Variants in NIPAL4 observed in about 807,000 individuals in gnomAD.
NIPAL4 encodes magnesium transporter NIPA4.
A neutral mutation model predicts 31.6 loss-of-function variants in NIPAL4; 21 were observed. That is an observed-to-expected ratio of 0.67 (90% CI 0.47 to 0.96). NIPAL4 has a LOEUF of 0.96. Ranked by LOEUF, NIPAL4 falls within the 40% of genes least tolerant of loss-of-function variation. The probability of loss-of-function intolerance (pLI) is 0.00; values close to 1 mark genes in which losing one functional copy is unlikely to be tolerated. For synonymous variants in NIPAL4, 175 were observed against 211.1 expected, an observed-to-expected ratio of 0.83 and a Z score of 1.48; for missense variants, 438 against 508.0, an observed-to-expected ratio of 0.86 and a Z score of 1.32.
intron 2 of NIPAL4, among the ~76,000 whole-genome samples, chr5:157,466,159 G>A (rs1754266768): frequency 6.6e-6 from 1 of 152,164 alleles, no homozygotes; most frequent in Admixed American, 6.5e-5. Flanking sequence ...CGTAGGGGAA[G>A]CAACATTCAC....
Position 157,471,775 on chromosome 5 carries a change from G to A in NIPAL4, c.544G>A (p.Val182Ile). ...MVIHAPEEEK[V>I]TTIMEMASKM... The stretch of plus-strand genomic sequence containing the variant: ...GATACATGCTCCTGAGGAAGAGAAG[G>A]TCACTACCATCATGGAGATGGCTTC... Residue 182 changes from valine to isoleucine, a missense_variant, in exon 5 of 6, where the codon GTC (valine) becomes ATC (isoleucine). Transcript: ENST00000311946. 1 of 1,600,132 alleles carries A rather than the reference G, an allele frequency of 6.2e-7. No homozygotes were observed. The highest frequency in any genetic ancestry group is 1.1e-5 in the South Asian group (1 of 88,358).
At chr5:157,462,288 A>AT (rs1184145793) in intron 1 of NIPAL4, among the ~76,000 whole-genome samples, 1 of 152,070 alleles carries the variant, frequency 6.6e-6, no homozygotes, top group African/African-American at 2.4e-5. Context: ...AGCAGATCTG[A>AT]TTTTTCACCG....
intron 1 of NIPAL4, 39 bp from the exon 2 acceptor site, chr5:157,463,055 T>A: frequency 6.2e-7 from 1 of 1,610,922 alleles, no homozygotes; most frequent in East Asian, 2.2e-5. Flanking sequence ...TGTGCAATTG[T>A]CCCCAGTGTG....
rs1754162751 is a variant in NIPAL4 at position 157,463,350 on chromosome 5, G to C, written c.277+17G>C. The C allele has an allele frequency of 1.9e-6, 3 of 1,594,626 alleles. No homozygotes were observed. The highest frequency in any genetic ancestry group is 2.6e-6 in the Non-Finnish European group (3 of 1,170,134). ...CTCGAGCTGGTAGGTTCCTGGGCCA[G>C]GAGAGGATAGGGCCCAGGGCAGCTG... is the stretch of plus-strand genomic sequence containing the variant. On this transcript the variant is annotated intron_variant, in intron 2 of 5. Transcript: ENST00000311946.
In NIPAL4 at chr5:157,472,983, G is replaced by A. The variant is rs371793304; in HGVS notation, c.*23G>A. The A allele has an allele frequency of 7.5e-5, 113 of 1,499,204 alleles. No homozygotes were observed. Among genetic ancestry groups the A allele is most frequent in the Middle Eastern group, 1.8e-4 (1 of 5,580 alleles). The allele number at this position is 1,499,204 out of a possible 1,614,324, so 92.9% of individuals were successfully genotyped here. On this transcript the variant is annotated 3_prime_UTR_variant, in exon 6 of 6. Coordinates refer to ENST00000311946, the MANE Select transcript of NIPAL4 (RefSeq NM_001099287.2). Reference sequence around the variant, plus strand: ...TGAAGCTTGGAATATGTGAGTGAGAGGATGAGTCCGATGGTACAGCCTGCC... The same window carrying A: ...TGAAGCTTGGAATATGTGAGTGAGAAGATGAGTCCGATGGTACAGCCTGCC...
chr5:157,467,687 G>C (rs1754314961), intron 3 of NIPAL4: 1 of 158,552 alleles, frequency 6.3e-6, no homozygotes, highest in South Asian at 1.8e-4. Flanking sequence ...TGCTTTTAAA[G>C]GGGAGACCCA....
intron 4 of NIPAL4, among the ~76,000 whole-genome samples, chr5:157,469,079 C>T (rs1036970359): frequency 1.3e-5 from 2 of 152,142 alleles, no homozygotes; most frequent in East Asian, 3.9e-4. Context: ...GGGTGAACGG[C>T]GCATGTCACT....
intron 4 of NIPAL4, among the ~76,000 whole-genome samples, chr5:157,470,585 C>T (rs1681792544): frequency 6.6e-6 from 1 of 152,164 alleles, no homozygotes; most frequent in Non-Finnish European, 1.5e-5. Flanking sequence ...CGGGAAGTTC[C>T]TAGCACCATA....
chr5:157,473,233 G>A lies in NIPAL4; in HGVS notation c.*273G>A, dbSNP rs952640152. 2.4e-5 allele frequency: 9 copies of A among 368,296 alleles called. No individual in the cohort carries two copies. The South Asian group carries it at 2.5e-4, about 10-fold the overall frequency. 22.8% of individuals were successfully genotyped at this position (368,296 alleles called of 1,614,324 possible). On this transcript the variant is annotated 3_prime_UTR_variant, in exon 6 of 6. Transcript: ENST00000311946. ...GACCTTCCTTCTCATTCATTCTTTC[G>A]GTGCCATCTCTATGCCGTTGGGAAG...
chr5:157,471,939 C>A, intron 5 of NIPAL4, 122 bp downstream of exon 5: 1 of 736,902 alleles, frequency 1.4e-6, no homozygotes, highest in Non-Finnish European at 2.3e-6. Flanking sequence ...AGAAGGCAAG[C>A]TAAAGAAGAA....
Position 157,463,328 on chromosome 5 carries a change from G to C in NIPAL4, c.272G>C (p.Arg91Pro). The C allele has an allele frequency of 6.2e-7, 1 of 1,607,696 alleles. No individual in the cohort carries two copies. Among genetic ancestry groups the C allele is most frequent in the East Asian group, 2.2e-5 (1 of 44,834 alleles). Reference sequence around the variant, plus strand: ...CGACTCGTGGCCACGGGAGCCACTCGAGCTGGTAGGTTCCTGGGCCAGGAG... The same window carrying C: ...CGACTCGTGGCCACGGGAGCCACTCCAGCTGGTAGGTTCCTGGGCCAGGAG... ...LLRLVATGATRAVDGGFGYLK... is the reference protein window; with the variant it reads ...LLRLVATGATPAVDGGFGYLK... Residue 91 changes from arginine to proline, a missense_variant, in exon 2 of 6, where the codon CGA becomes CCA. Arg to Pro is a moderately radical substitution (Grantham distance 103). Transcript: ENST00000311946.
At chr5:157,462,014 G>A (rs1430344264) in intron 1 of NIPAL4, among the ~76,000 whole-genome samples, 1 of 152,202 alleles carries the variant, frequency 6.6e-6, no homozygotes, top group African/African-American at 2.4e-5. Context: ...GCACTGCCTG[G>A]GAGTTCTAGG....
At chr5:157,469,664 A>AGT (rs1307087068) in intron 4 of NIPAL4, among the ~76,000 whole-genome samples, 5 of 152,130 alleles carry the variant, frequency 3.3e-5, no homozygotes, top group Non-Finnish European at 7.4e-5. Flanking sequence ...TGAGCTACAA[A>AGT]CACAGAGCCA....
intron 4 of NIPAL4, among the ~76,000 whole-genome samples, chr5:157,470,285 A>C (rs1754390587): frequency 6.6e-6 from 1 of 152,004 alleles, no homozygotes; most frequent in African/African-American, 2.4e-5. Context: ...CCTCGAGGAT[A>C]TGAGGGGAAT....
Position 157,472,546 on chromosome 5 carries a change from G to C in NIPAL4, c.801G>C (p.Leu267=). The stretch of plus-strand genomic sequence containing the variant: ...TCCGGCACCCGCTCCCCTACATCCT[G>C]TCCCTCATCCTGGCACTGTCCCTCA... ...PVVRHPLPYI[L]SLILALSLST... The change falls in exon 6 of 6, where the codon CTG becomes CTC. Residue 267 remains leucine, a synonymous_variant. Coordinates refer to ENST00000311946, the MANE Select transcript of NIPAL4 (RefSeq NM_001099287.2). The C allele has an allele frequency of 6.2e-7, 1 of 1,613,852 alleles. No homozygotes were observed. Among genetic ancestry groups the C allele is most frequent in the Non-Finnish European group, 8.5e-7 (1 of 1,179,860 alleles).
At position 157,474,069 on chromosome 5, in the gene NIPAL4, G is replaced by A. The variant is rs905182957; in HGVS notation, c.*1109G>A. ...TCTGGGTTGCAGCCTTAAAGGCTTG[G>A]ACAGCTGTGAATCTCAATGGCCAAC... On this transcript the variant is annotated 3_prime_UTR_variant, in exon 6 of 6. Coordinates refer to ENST00000311946, the MANE Select transcript of NIPAL4 (RefSeq NM_001099287.2). 1 of 152,252 alleles carries A rather than the reference G, an allele frequency of 6.6e-6. No individual in the cohort carries two copies. The highest frequency in any genetic ancestry group is 1.9e-4 in the East Asian group (1 of 5,188). The allele number at this position is 152,252 out of a possible 1,614,324, so 9.4% of individuals were successfully genotyped here.
In NIPAL4 at chr5:157,460,367, G is replaced by A. The variant is rs1180245174; in HGVS notation, c.37+10G>A. On this transcript the variant is annotated intron_variant, in intron 1 of 5. Coordinates refer to ENST00000311946, the MANE Select transcript of NIPAL4 (RefSeq NM_001099287.2). Reference sequence around the variant, plus strand: ...ACCAGCTGCGAGAACGGTGCGTACGGCAGGGCTGGGGACCAGGCGGGCTCC... The same window carrying A: ...ACCAGCTGCGAGAACGGTGCGTACGACAGGGCTGGGGACCAGGCGGGCTCC... The A allele has an allele frequency of 6.5e-7, 1 of 1,541,946 alleles. No individual in the cohort carries two copies. The highest frequency in any genetic ancestry group is 8.7e-7 in the Non-Finnish European group (1 of 1,144,582).
At chr5:157,463,467 C>A in intron 2 of NIPAL4, 134 bp downstream of exon 2, 1 of 1,093,328 alleles carries the variant, frequency 9.1e-7, no homozygotes, top group Non-Finnish European at 1.3e-6. Flanking sequence ...ATCCCACCTG[C>A]CAACAGGGTT....
intron 4 of NIPAL4, among the ~76,000 whole-genome samples, chr5:157,470,223 C>T (rs962222772): frequency 6.6e-6 from 1 of 152,140 alleles, no homozygotes; most frequent in Admixed American, 6.5e-5. Flanking sequence ...CGTGATTATA[C>T]GAGGCTTGCC....
Sources: allele counts gnomAD v4.1 joint callset (sites outside exome capture counted in the v4.1 genomes callset), GRCh38; gene constraint gnomAD v4.1.1; transcripts MANE v1.5; gene names NCBI Gene and HGNC (gene_info 2026-07-23, HGNC 2026-07-21).